Variants in NIPSNAP3B observed in about 807,000 individuals in gnomAD.
The protein encoded by NIPSNAP3B is nipsnap homolog 3B.
A neutral mutation model predicts 31.5 loss-of-function variants in NIPSNAP3B; 30 were observed. The observed-to-expected ratio is 0.95, with a 90% CI of 0.71 to 1.29. The LOEUF (loss-of-function observed/expected upper bound fraction) is 1.29. NIPSNAP3B is among the 50% of genes most tolerant of loss of function. NIPSNAP3B has a pLI of 0.00. For missense variants in NIPSNAP3B, 269 were observed against 300.7 expected (o/e 0.89, Z 0.78); for synonymous variants, 106 against 107.9 (o/e 0.98, Z 0.11).
chr9:104,788,322 T>G, the NIPSNAP3B span: 4 of 1,532,414 alleles, frequency 2.6e-6, no homozygotes, highest in Non-Finnish European at 3.6e-6. Context: ...GCTGCTGCAT[T>G]CATGAGGAAA....
intron 1 of NIPSNAP3B, among the ~76,000 whole-genome samples, chr9:104,764,764 G>T (rs188479124): frequency 6.4e-4 from 98 of 152,176 alleles, no homozygotes; most frequent in African/African-American, 2.4e-3. Flanking sequence ...GGTCAGGCTG[G>T]TCTCGAACTC....
the NIPSNAP3B span, among the ~76,000 whole-genome samples, chr9:104,786,656 T>C: frequency 1.6e-4 from 24 of 152,342 alleles, no homozygotes; most frequent in South Asian, 1.2e-3. Context: ...GACACCTAAA[T>C]GCACTGACTT....
chr9:104,766,647 A>T (rs1828097055), intron 2 of NIPSNAP3B, 112 bp downstream of exon 2: 1 of 1,069,238 alleles, frequency 9.4e-7, no homozygotes, highest in South Asian at 1.5e-5. Context: ...GTTAAGTAAG[A>T]CTTTTTAAAA....
At chr9:104,765,452 A>T (rs1828068813) in intron 1 of NIPSNAP3B, among the ~76,000 whole-genome samples, 2 of 152,220 alleles carry the variant, frequency 1.3e-5, no homozygotes, top group Admixed American at 6.5e-5. Flanking sequence ...GACAGACTGG[A>T]TAATTTCTGA....
intron 1 of NIPSNAP3B, 51 bp from the exon 2 acceptor site, chr9:104,766,274 A>T (rs1828087206): frequency 6.7e-7 from 1 of 1,498,524 alleles, no homozygotes; most frequent in African/African-American, 1.4e-5. Flanking sequence ...TTGTAACCAA[A>T]TCTGTAATTG....
Position 104,775,505 on chromosome 9 carries a change from C to A in NIPSNAP3B, c.*2432C>A, listed in dbSNP as rs1828316476. On this transcript the variant is annotated 3_prime_UTR_variant, in exon 6 of 6. Coordinates refer to ENST00000374762, the MANE Select transcript of NIPSNAP3B (RefSeq NM_018376.4). Reference sequence around the variant, plus strand: ...ATGTAAGGACTGAGTCCTTGGACCACTTCTCTTTTCTATTTATACTTACTC... The same window carrying A: ...ATGTAAGGACTGAGTCCTTGGACCAATTCTCTTTTCTATTTATACTTACTC... 6.6e-6 allele frequency among the ~76,000 whole-genome samples: 1 copy of A among 152,164 alleles called. No individual in the cohort carries two copies. The highest frequency in any genetic ancestry group is 1.5e-5 in the Non-Finnish European group (1 of 68,038).
chr9:104,784,206 T>C, the NIPSNAP3B span: 1 of 1,407,622 alleles, frequency 7.1e-7, no homozygotes, highest in Non-Finnish European at 1.0e-6. Context: ...GTATCCAGTT[T>C]ACTTCTTCCC....
chr9:104,777,697 T>A lies in NIPSNAP3B; in HGVS notation c.*4624T>A, dbSNP rs1828365761. ...GCAGAATCAAAAAGGAAGGGCACGA[T>A]GATGCCCAGGTGCAGCCTATATTAT... On this transcript the variant is annotated 3_prime_UTR_variant, in exon 6 of 6. Transcript: ENST00000374762. Among the ~76,000 whole-genome samples, 1 of 152,234 alleles carries A rather than the reference T, an allele frequency of 6.6e-6. No individual in the cohort carries two copies. The highest frequency in any genetic ancestry group is 2.4e-5 in the African/African-American group (1 of 41,462).
chr9:104,789,221 C>T, the NIPSNAP3B span, among the ~76,000 whole-genome samples: 2 of 152,210 alleles, frequency 1.3e-5, no homozygotes, highest in African/African-American at 2.4e-5. Context: ...TTGAGGCACA[C>T]GTGGACACCG....
At chr9:104,764,435 G>A (rs2118774591) in intron 1 of NIPSNAP3B, 135 bp downstream of exon 1, 1 of 708,314 alleles carries the variant, frequency 1.4e-6, no homozygotes, top group Non-Finnish European at 2.2e-6. Context: ...TTCTAACGCG[G>A]TCTCTGGAGC....
In NIPSNAP3B at chr9:104,766,452, G is replaced by A. The variant is rs761037348; in HGVS notation, c.188G>A (p.Arg63Gln). ...AATCTTAAGAAAAACATTCATCTTC[G>A]GACCTCTTACTCTGAATTGGTTGGA... ...MENLKKNIHL[R>Q]TSYSELVGFW... The change falls in exon 2 of 6, where the codon CGG becomes CAG. Residue 63 changes from arginine to glutamine, a missense_variant. Arg to Gln is a conservative substitution (Grantham distance 43, BLOSUM62 1). Coordinates refer to ENST00000374762, the MANE Select transcript of NIPSNAP3B (RefSeq NM_018376.4). 9.9e-6 allele frequency: 16 copies of A among 1,613,512 alleles called. No homozygotes were observed. Among genetic ancestry groups the A allele is most frequent in the Admixed American group, 3.3e-5 (2 of 59,978 alleles).
downstream of NIPSNAP3B, among the ~76,000 whole-genome samples, chr9:104,778,727 ACCATAGCTC>A (rs531680999): frequency 1.3e-3 from 198 of 152,268 alleles, no homozygotes; most frequent in Non-Finnish European, 1.5e-3. Context: ...ACTGAACATT[ACCATAGCTC>A]CCTATCTGTT....
chr9:104,785,710 A>G, the NIPSNAP3B span: 1 of 1,598,010 alleles, frequency 6.3e-7, no homozygotes, highest in Non-Finnish European at 8.5e-7. Context: ...GAACCCTGGG[A>G]ACCCAACTTG....
At chr9:104,784,560 A>G in the NIPSNAP3B span, 46 of 1,332,664 alleles carry the variant, frequency 3.5e-5, no homozygotes, top group Non-Finnish European at 4.7e-5. Flanking sequence ...GTAGGAGCAT[A>G]CAGAATTACA....
At chr9:104,788,490 G>C in the NIPSNAP3B span, 2 of 1,614,204 alleles carry the variant, frequency 1.2e-6, no homozygotes, top group Non-Finnish European at 1.7e-6. Flanking sequence ...TTCTCTCCCA[G>C]TCAACAGCTC....
the NIPSNAP3B span, chr9:104,788,589 C>T: frequency 1.2e-6 from 2 of 1,613,906 alleles, no homozygotes; most frequent in Non-Finnish European, 1.7e-6. Context: ...AAGAAAACTA[C>T]TTAGATTTTA....
rs912607320 is a variant in NIPSNAP3B at position 104,775,073 on chromosome 9, T to C, written c.*2000T>C. ...CCCCAAGCAAAGACAAACCCTCCACTTGAACACTCACTTGCTGAAGGATGT... is the reference window on the plus strand; with the variant it reads ...CCCCAAGCAAAGACAAACCCTCCACCTGAACACTCACTTGCTGAAGGATGT... On this transcript the variant is annotated 3_prime_UTR_variant, in exon 6 of 6. Coordinates refer to ENST00000374762, the MANE Select transcript of NIPSNAP3B (RefSeq NM_018376.4). 1.3e-5 allele frequency among the ~76,000 whole-genome samples: 2 copies of C among 152,058 alleles called. No individual in the cohort carries two copies. The highest frequency in any genetic ancestry group is 2.9e-5 in the Non-Finnish European group (2 of 68,012).
chr9:104,775,098 T>C lies in NIPSNAP3B; in HGVS notation c.*2025T>C, dbSNP rs944598949. ...TTGAACACTCACTTGCTGAAGGATG[T>C]GGCTTAGGCAGTTTTCCTGTCTCCT... On this transcript the variant is annotated 3_prime_UTR_variant, in exon 6 of 6. Transcript: ENST00000374762. Among the ~76,000 whole-genome samples, 2 of 152,062 alleles carry C rather than the reference T, an allele frequency of 1.3e-5. No individual in the cohort carries two copies. The highest frequency in any genetic ancestry group is 4.8e-5 in the African/African-American group (2 of 41,390).
At chr9:104,784,507 C>A in the NIPSNAP3B span, 1 of 1,609,000 alleles carries the variant, frequency 6.2e-7, no homozygotes, top group Non-Finnish European at 8.5e-7. Flanking sequence ...CTTGCTCATT[C>A]TTTATTCTAG....
Sources: gnomAD v4.1 joint callset for allele counts (sites outside exome capture counted in the v4.1 genomes callset) on GRCh38, gnomAD v4.1.1 for gene constraint, MANE v1.5 for transcripts, NCBI Gene and HGNC (gene_info 2026-07-23, HGNC 2026-07-21) for gene names.